Variants in DPP10 observed in about 807,000 individuals in gnomAD.
DPP10 encodes the protein inactive dipeptidyl peptidase 10.
Under a neutral mutation model 120.9 loss-of-function variants are expected in DPP10, and 33 were observed. That is an observed-to-expected ratio of 0.27 (90% CI 0.21 to 0.37). The LOEUF (loss-of-function observed/expected upper bound fraction) is 0.37, where lower values mean the gene tolerates loss of function less well. Ranked by LOEUF, DPP10 falls within the 10% of genes least tolerant of loss-of-function variation. The pLI is 1.00. For synonymous variants in DPP10, 337 were observed against 326.1 expected (o/e 1.03, Z -0.36); for missense variants, 816 against 942.8 (o/e 0.87, Z 1.76).
intron 1 of DPP10, among the ~76,000 whole-genome samples, chr2:115,192,694 G>A (rs1374414514): frequency 1.3e-5 from 2 of 151,798 alleles, no homozygotes; most frequent in African/African-American, 4.8e-5. Flanking sequence ...TATATTAGTG[G>A]GCTATTAATG....
intron 3 of DPP10, among the ~76,000 whole-genome samples, chr2:115,345,018 G>A (rs545390445): frequency 6.6e-6 from 1 of 152,150 alleles, no homozygotes; most frequent in East Asian, 1.9e-4. Context: ...AACCCATGAG[G>A]GCAAAGGCCA....
intron 5 of DPP10, among the ~76,000 whole-genome samples, chr2:115,682,211 C>T (rs374639908): frequency 3.4e-4 from 52 of 151,990 alleles, no homozygotes; most frequent in African/African-American, 1.2e-3. Context: ...ATTTTAAATG[C>T]CATTCAGGTT....
intron 3 of DPP10, among the ~76,000 whole-genome samples, chr2:115,459,314 G>T (rs1317162988): frequency 1.3e-5 from 2 of 151,892 alleles, no homozygotes; most frequent in Admixed American, 1.3e-4. Flanking sequence ...GTGCCACCAC[G>T]CCCGGCTAAT....
At chr2:115,726,243 G>A (rs1319996834) in intron 7 of DPP10, among the ~76,000 whole-genome samples, 1 of 152,040 alleles carries the variant, frequency 6.6e-6, no homozygotes, top group East Asian at 1.9e-4. Flanking sequence ...ACAAAACGTT[G>A]GGATAATTTA....
intron 1 of DPP10, among the ~76,000 whole-genome samples, chr2:114,765,336 C>A (rs1680615569): frequency 6.6e-6 from 1 of 152,080 alleles, no homozygotes; most frequent in Non-Finnish European, 1.5e-5. Flanking sequence ...ATTTTCTGAG[C>A]AAAAGCTGTC....
intron 1 of DPP10, among the ~76,000 whole-genome samples, chr2:115,003,191 A>AG (rs1701566352): frequency 6.6e-6 from 1 of 151,412 alleles, no homozygotes; most frequent in Non-Finnish European, 1.5e-5. Context: ...AAAAAAAAAA[A>AG]ACAATGAAAT....
intron 1 of DPP10, among the ~76,000 whole-genome samples, chr2:114,889,012 C>T (rs1025551626): frequency 3.3e-5 from 5 of 152,122 alleles, no homozygotes; most frequent in Non-Finnish European, 5.9e-5. Flanking sequence ...AGAGTGGGCT[C>T]TAATCCAATA....
chr2:114,563,735 T>C (rs960262715), intron 1 of DPP10, among the ~76,000 whole-genome samples: 4 of 152,076 alleles, frequency 2.6e-5, no homozygotes, highest in Admixed American at 6.6e-5. Context: ...TTTTTTAAAG[T>C]TGGTTTGCAG....
intron 21 of DPP10, 48 bp from the exon 22 acceptor site, chr2:115,836,099 ATGTGTGTGTG>A (rs10549769): frequency 2.6e-5 from 16 of 608,214 alleles, no homozygotes; most frequent in Admixed American, 4.0e-5. Context: ...GTGTGTGTGT[ATGTGTGTGTG>A]TGTGTGTGAG....
chr2:114,448,505 G>A (rs528791616), intron 1 of DPP10, among the ~76,000 whole-genome samples: 8 of 152,292 alleles, frequency 5.3e-5, no homozygotes, highest in Non-Finnish European at 1.0e-4. Flanking sequence ...TAGACCAGCA[G>A]TATCAGCATC....
At chr2:115,381,487 C>G (rs958470023) in intron 3 of DPP10, among the ~76,000 whole-genome samples, 1 of 152,106 alleles carries the variant, frequency 6.6e-6, no homozygotes, top group African/African-American at 2.4e-5. Flanking sequence ...ACTTCTTTGC[C>G]TCTGCTTTGA....
At chr2:114,774,202 T>C (rs1366168576) in intron 1 of DPP10, among the ~76,000 whole-genome samples, 2 of 152,060 alleles carry the variant, frequency 1.3e-5, no homozygotes, top group East Asian at 3.9e-4. Flanking sequence ...CTCAAGAAGC[T>C]CATACTTTAT....
Position 115,216,259 on chromosome 2 carries a change from G to T in DPP10, c.61-92980G>T, listed in dbSNP as rs115765772. Among the ~76,000 whole-genome samples the T allele has an allele frequency of 9.6e-3, 1,465 of 152,158 alleles. 25 individuals carry two copies. Among genetic ancestry groups the T allele is most frequent in the African/African-American group, 0.033 (1,353 of 41,516 alleles). On this transcript the variant is annotated intron_variant, in intron 1 of 25. Coordinates refer to ENST00000410059, the MANE Select transcript of DPP10 (RefSeq NM_020868.6). ...AGCCCAGGCTTCCCCACTACACGAT[G>T]TAACCCGGTAACAAAACTGCGCTGG... is the stretch of plus-strand genomic sequence containing the variant.
At chr2:114,494,856 C>T (rs551792570) in intron 1 of DPP10, among the ~76,000 whole-genome samples, 4 of 152,122 alleles carry the variant, frequency 2.6e-5, no homozygotes, top group Admixed American at 2.6e-4. Flanking sequence ...ATAGAATGGG[C>T]CAGGGTTTAA....
chr2:115,011,075 T>C (rs1702229466), intron 1 of DPP10, among the ~76,000 whole-genome samples: 1 of 152,228 alleles, frequency 6.6e-6, no homozygotes, highest in Non-Finnish European at 1.5e-5. Context: ...TAGTTTCAAA[T>C]ACTTGGGGAT....
intron 1 of DPP10, among the ~76,000 whole-genome samples, chr2:114,714,243 T>A (rs980844341): frequency 6.6e-6 from 1 of 152,114 alleles, no homozygotes; most frequent in Non-Finnish European, 1.5e-5. Context: ...TAAAGGCATC[T>A]CCAGCAACAT....
chr2:115,085,159 ACT>A (rs1708589833), intron 1 of DPP10, among the ~76,000 whole-genome samples: 1 of 152,170 alleles, frequency 6.6e-6, no homozygotes, highest in African/African-American at 2.4e-5. Context: ...TCTGAATTTC[ACT>A]CTGTGATTTA....
intron 1 of DPP10, among the ~76,000 whole-genome samples, chr2:114,497,679 C>T (rs1281900160): frequency 6.6e-6 from 1 of 152,118 alleles, no homozygotes; most frequent in Non-Finnish European, 1.5e-5. Context: ...AAAATGAAAA[C>T]AATCAGACTC....
chr2:114,721,180 C>G (rs1701683722), intron 1 of DPP10, among the ~76,000 whole-genome samples: 1 of 152,186 alleles, frequency 6.6e-6, no homozygotes, highest in Non-Finnish European at 1.5e-5. Flanking sequence ...TTCATTGCCT[C>G]CAGTGACTCT....
Sources: allele counts gnomAD v4.1 joint callset (sites outside exome capture counted in the v4.1 genomes callset), GRCh38; gene constraint gnomAD v4.1.1; transcripts MANE v1.5; gene names NCBI Gene and HGNC (gene_info 2026-07-23, HGNC 2026-07-21).